DDO: variants seen among roughly 807,000 people sequenced by gnomAD.
DDO encodes D-aspartate oxidase, DDO.
DDO carries 16 observed loss-of-function variants against 16.8 expected under a neutral mutation model. That is an observed-to-expected ratio of 0.95 (90% CI 0.65 to 1.45). The LOEUF is 1.45. Ranked by LOEUF, DDO falls within the 40% of genes most tolerant of loss-of-function variation. The pLI is 0.00. For missense variants in DDO, 429 were observed against 420.3 expected (o/e 1.02, Z -0.18); for synonymous variants, 180 against 167.2 (o/e 1.08, Z -0.59).
downstream of DDO, among the ~76,000 whole-genome samples, chr6:110,391,123 G>A (rs991628169): frequency 2.0e-5 from 3 of 152,170 alleles, no homozygotes; most frequent in Non-Finnish European, 4.4e-5. Context: ...AAACACTGGT[G>A]GGCTTCTCTC....
chr6:110,392,519 G>C lies in DDO; in HGVS notation c.*256C>G. On this transcript the variant is annotated 3_prime_UTR_variant, in exon 5 of 5. Transcript: ENST00000368924. ...TTTTGTTGTTGGTGTTTTTTTTAGA[G>C]GTGGGAACTGGCACCTCTAAAAAAT... The C allele has an allele frequency of 8.5e-7, 1 of 1,175,488 alleles. No individual in the cohort carries two copies. The highest frequency in any genetic ancestry group is 1.0e-6 in the Non-Finnish European group (1 of 953,264). The allele number at this position is 1,175,488 out of a possible 1,614,324, so 72.8% of individuals were successfully genotyped here.
At chr6:110,398,065 G>A (rs1773344495) in intron 4 of DDO, among the ~76,000 whole-genome samples, 1 of 152,080 alleles carries the variant, frequency 6.6e-6, no homozygotes, top group African/African-American at 2.4e-5. Context: ...TCTTGCAACT[G>A]AGCAAGACCT....
chr6:110,396,657 A>G (rs1279710276), intron 4 of DDO, among the ~76,000 whole-genome samples: 1 of 152,168 alleles, frequency 6.6e-6, no homozygotes, highest in Non-Finnish European at 1.5e-5. Context: ...AATTAAAAGT[A>G]GTTAAAAGAG....
intron 2 of DDO, among the ~76,000 whole-genome samples, chr6:110,411,026 A>G (rs978575213): frequency 6.6e-6 from 1 of 152,242 alleles, no homozygotes; most frequent in Non-Finnish European, 1.5e-5. Flanking sequence ...AAGGAGTGTT[A>G]AGGAAACACA....
At chr6:110,406,166 TAGA>T (rs1773649049) in intron 3 of DDO, among the ~76,000 whole-genome samples, 1 of 152,064 alleles carries the variant, frequency 6.6e-6, no homozygotes, top group Admixed American at 6.5e-5. Context: ...CCTGAGCACT[TAGA>T]AGGTTATATC....
At chr6:110,400,527 C>T (rs1261802884) in intron 4 of DDO, among the ~76,000 whole-genome samples, 3 of 152,226 alleles carry the variant, frequency 2.0e-5, no homozygotes, top group African/African-American at 4.8e-5. Context: ...TCTACAGTGA[C>T]ACCTCTTCAG....
At chr6:110,398,415 CA>C (rs1773361191) in intron 4 of DDO, among the ~76,000 whole-genome samples, 4 of 139,302 alleles carry the variant, frequency 2.9e-5, no homozygotes, top group African/African-American at 1.0e-4. Context: ...CACACACACA[CA>C]CACACACACA....
At position 110,413,429 on chromosome 6, in the gene DDO, C is replaced by G. The variant is rs370410187; in HGVS notation, c.34G>C (p.Gly12Arg). 2.4e-5 allele frequency: 38 copies of G among 1,613,808 alleles called. No individual in the cohort carries two copies. Among genetic ancestry groups the G allele is most frequent in the Non-Finnish European group, 3.0e-5 (35 of 1,180,042 alleles). ...DTARIAVVGA[G>R]VVGLSTAVCI... ...ACAGCCGTGGAGAGCCCCACCACAC[C>G]TGCCCCGACAACTGCAATCCGTGCT... The change falls in exon 2 of 5, where the codon GGT becomes CGT. Residue 12 changes from glycine (G) to arginine (R), a missense_variant. Transcript: ENST00000368924.
intron 3 of DDO, among the ~76,000 whole-genome samples, chr6:110,405,730 C>CTATCTCTA (rs1773631035): frequency 6.6e-6 from 1 of 152,090 alleles, no homozygotes; most frequent in Non-Finnish European, 1.5e-5. Flanking sequence ...AGGTGAAACC[C>CTATCTCTA]TATCTCTACA....
chr6:110,411,463 T>C (rs554963167), intron 2 of DDO, among the ~76,000 whole-genome samples: 1 of 152,158 alleles, frequency 6.6e-6, no homozygotes. Flanking sequence ...GTTATTAGTA[T>C]CTTCATAAAG....
At chr6:110,410,394 C>G (rs1351141974) in intron 2 of DDO, among the ~76,000 whole-genome samples, 1 of 152,248 alleles carries the variant, frequency 6.6e-6, no homozygotes, top group African/African-American at 2.4e-5. Flanking sequence ...CCCAAGAACT[C>G]TCGTCACAAG....
intron 4 of DDO, among the ~76,000 whole-genome samples, chr6:110,394,197 T>C (rs1773214735): frequency 6.6e-6 from 1 of 152,086 alleles, no homozygotes; most frequent in African/African-American, 2.4e-5. Context: ...CTTGACTTCC[T>C]TGGCTTAAGT....
chr6:110,396,732 A>G (rs2114812290), intron 4 of DDO, among the ~76,000 whole-genome samples: 1 of 152,200 alleles, frequency 6.6e-6, no homozygotes. Context: ...TTATAAGTAA[A>G]ACTGTTCATA....
intron 4 of DDO, among the ~76,000 whole-genome samples, chr6:110,399,858 G>A (rs988204002): frequency 6.6e-6 from 1 of 152,246 alleles, no homozygotes; most frequent in Admixed American, 6.5e-5. Flanking sequence ...CATCTCAGCC[G>A]CCTTCCTGGC....
At chr6:110,402,292 C>T (rs937137452) in intron 4 of DDO, among the ~76,000 whole-genome samples, 1 of 152,124 alleles carries the variant, frequency 6.6e-6, no homozygotes, top group Non-Finnish European at 1.5e-5. Flanking sequence ...AGTGTTGTAT[C>T]AATATAATGA....
chr6:110,393,051 A>G lies in DDO; in HGVS notation c.750T>C (p.Asn250=). ...AGCATCGGGAAAGAATCTCTCTGCT[A>G]TTTTCTGCATCCGGGGACAGATTCC... The part of the protein sequence containing the change: ...GDWNLSPDAE[N]SREILSRCCA... The change falls in exon 5 of 5, where the codon AAT becomes AAC. Residue 250 remains asparagine, a synonymous_variant. Coordinates refer to ENST00000368924, the MANE Select transcript of DDO (RefSeq NM_001372108.2). 6.2e-7 allele frequency: 1 copy of G among 1,612,592 alleles called. No homozygotes were observed. The highest frequency in any genetic ancestry group is 1.1e-5 in the South Asian group (1 of 91,068).
intron 2 of DDO, among the ~76,000 whole-genome samples, chr6:110,411,519 A>G (rs930289651): frequency 7.9e-5 from 12 of 152,348 alleles, no homozygotes; most frequent in Admixed American, 5.9e-4. Flanking sequence ...AGATGTTATA[A>G]CAAATGAAAA....
intron 3 of DDO, among the ~76,000 whole-genome samples, chr6:110,406,517 T>A (rs1773661621): frequency 6.6e-6 from 1 of 152,190 alleles, no homozygotes. Context: ...ATCTATCTCA[T>A]CATCAACTCT....
At position 110,408,368 on chromosome 6, in the gene DDO, C is replaced by T. The variant is rs1183437744; in HGVS notation, c.247G>A (p.Glu83Lys). Residue 83 changes from glutamate (E) to lysine (K), a missense_variant, in exon 3 of 5, where the codon GAA becomes AAA. Transcript: ENST00000368924. ...AAATGAACACCAGCATCTCCAGCTTCTGCAGAATTGGCAATTGCAAAGAGG... is the reference window on the plus strand; with the variant it reads ...AAATGAACACCAGCATCTCCAGCTTTTGCAGAATTGGCAATTGCAAAGAGG... ...NHLFAIANSA[E>K]AGDAGVHLVS... 1.2e-6 allele frequency: 2 copies of T among 1,614,046 alleles called. No homozygotes were observed. The highest frequency in any genetic ancestry group is 1.7e-6 in the Non-Finnish European group (2 of 1,180,020).
Sources: gnomAD v4.1 joint callset for allele counts (sites outside exome capture counted in the v4.1 genomes callset) on GRCh38, gnomAD v4.1.1 for gene constraint, MANE v1.5 for transcripts, NCBI Gene and HGNC (gene_info 2026-07-23, HGNC 2026-07-21) for gene names.